The following LRP1B variants were observed in gnomAD, a reference collection of about 807,000 sequenced individuals.
LRP1B encodes low-density lipoprotein receptor-related protein 1B.
A neutral mutation model predicts 556.6 loss-of-function variants in LRP1B; 217 were observed. The ratio of observed to expected loss-of-function variants is 0.39; its 90% CI spans 0.35 to 0.44. The LOEUF (loss-of-function observed/expected upper bound fraction) is 0.44, where lower values mean the gene tolerates loss of function less well. Ranked by LOEUF, LRP1B falls within the 20% of genes least tolerant of loss-of-function variation. LRP1B has a pLI of 1.00. For synonymous variants in LRP1B, 2,047 were observed against 1,865.8 expected, an observed-to-expected ratio of 1.10 and a Z score of -2.50; for missense variants, 5,053 against 5,620.8, an observed-to-expected ratio of 0.90 and a Z score of 3.23.
intron 21 of LRP1B, among the ~76,000 whole-genome samples, chr2:140,918,207 T>C (rs1007922932): frequency 6.6e-6 from 1 of 151,884 alleles, no homozygotes; most frequent in East Asian, 1.9e-4. Flanking sequence ...TGTGTGTGTG[T>C]GTGTGTGTGT....
chr2:141,926,289 T>C (rs942806355), intron 1 of LRP1B, among the ~76,000 whole-genome samples: 3 of 152,220 alleles, frequency 2.0e-5, no homozygotes, highest in Non-Finnish European at 4.4e-5. Context: ...AGTTCCTAGT[T>C]ATCTTACAAA....
intron 41 of LRP1B, among the ~76,000 whole-genome samples, chr2:140,659,742 T>G (rs1158413567): frequency 6.6e-6 from 1 of 151,952 alleles, no homozygotes; most frequent in Non-Finnish European, 1.5e-5. Context: ...CAATTTAATG[T>G]AAAAAATTTC....
chr2:141,403,521 A>G lies in LRP1B; in HGVS notation c.343+76875T>C, dbSNP rs554821805. 1.1e-3 allele frequency among the ~76,000 whole-genome samples: 175 copies of G among 152,220 alleles called. 1 individual carries two copies. The highest frequency in any genetic ancestry group is 1.3e-3 in the Non-Finnish European group (86 of 67,978). ...AGCTTCCATCTTTCTCAGTAGCTTT[A>G]TTCATATGTAGATGGAGTTTGTGAT... is the stretch of plus-strand genomic sequence containing the variant. On this transcript the variant is annotated intron_variant, in intron 3 of 90. Coordinates refer to ENST00000389484, the MANE Select transcript of LRP1B (RefSeq NM_018557.3).
intron 6 of LRP1B, among the ~76,000 whole-genome samples, chr2:141,190,302 A>T (rs1434433075): frequency 6.6e-6 from 1 of 151,968 alleles, no homozygotes; most frequent in East Asian, 1.9e-4. Context: ...TCCTCTTAAT[A>T]TGTCTGCTGT....
At chr2:140,944,837 C>G (rs1304987117) in intron 20 of LRP1B, among the ~76,000 whole-genome samples, 1 of 152,088 alleles carries the variant, frequency 6.6e-6, no homozygotes, top group Non-Finnish European at 1.5e-5. Flanking sequence ...AGCATTTCCC[C>G]TAAGGATTGG....
At chr2:140,413,187 C>T (rs1685038178) in intron 66 of LRP1B, among the ~76,000 whole-genome samples, 1 of 152,114 alleles carries the variant, frequency 6.6e-6, no homozygotes, top group African/African-American at 2.4e-5. Flanking sequence ...AACACACATA[C>T]ACAATTCTAT....
At chr2:140,686,846 T>C (rs1328654430) in intron 41 of LRP1B, among the ~76,000 whole-genome samples, 2 of 151,788 alleles carry the variant, frequency 1.3e-5, no homozygotes, top group African/African-American at 4.8e-5. Flanking sequence ...AAACAGGAAA[T>C]ATAGAAGGTA....
Position 141,676,768 on chromosome 2 carries a change from T to C in LRP1B, c.205+133511A>G, listed in dbSNP as rs182068022. On this transcript the variant is annotated intron_variant, in intron 2 of 90. Coordinates refer to ENST00000389484, the MANE Select transcript of LRP1B (RefSeq NM_018557.3). ...GTATTCTTAATGACTGTGGCTCACATTTTAGTTTTCAATTTTGTATTTCTC... is the reference window on the plus strand; with the variant it reads ...GTATTCTTAATGACTGTGGCTCACACTTTAGTTTTCAATTTTGTATTTCTC... Among the ~76,000 whole-genome samples the C allele has an allele frequency of 9.2e-5, 14 of 152,266 alleles. No individual in the cohort carries two copies. The South Asian group carries it at 1.0e-3, about 11-fold the overall frequency.
intron 41 of LRP1B, among the ~76,000 whole-genome samples, chr2:140,613,351 AAAT>A (rs925397729): frequency 1.2e-5 from 1 of 86,900 alleles, no homozygotes; most frequent in African/African-American, 3.4e-5. Context: ...ATATAAATAT[AAAT>A]AATTATATAA....
intron 18 of LRP1B, among the ~76,000 whole-genome samples, chr2:140,964,234 G>A (rs1312981194): frequency 1.3e-5 from 2 of 152,154 alleles, no homozygotes; most frequent in African/African-American, 4.8e-5. Flanking sequence ...CTGCTATCTG[G>A]AAGGCAGAGC....
At chr2:140,813,553 T>G (rs886534484) in intron 32 of LRP1B, 104 bp downstream of exon 32, 2 of 932,352 alleles carry the variant, frequency 2.1e-6, no homozygotes, top group Non-Finnish European at 1.7e-6. Flanking sequence ...TGAATATAGT[T>G]CTGGTGTTAG....
At chr2:141,418,944 CTAAG>C (rs1454286117) in intron 3 of LRP1B, among the ~76,000 whole-genome samples, 3 of 151,786 alleles carry the variant, frequency 2.0e-5, no homozygotes, top group South Asian at 2.1e-4. Flanking sequence ...AAGTTTATTC[CTAAG>C]TATTATATTA....
intron 15 of LRP1B, among the ~76,000 whole-genome samples, chr2:141,003,738 G>A (rs893330952): frequency 3.3e-5 from 5 of 151,932 alleles, no homozygotes; most frequent in Non-Finnish European, 7.4e-5. Flanking sequence ...TATCAGCAGT[G>A]TAAAAATGGA....
chr2:140,929,407 A>G (rs1355598793), intron 20 of LRP1B, among the ~76,000 whole-genome samples: 1 of 152,088 alleles, frequency 6.6e-6, no homozygotes, highest in Non-Finnish European at 1.5e-5. Flanking sequence ...AAATGGAACA[A>G]AAGATTTTCT....
At position 140,976,084 on chromosome 2, in the gene LRP1B, A is replaced by G. The variant is rs1696586807; in HGVS notation, c.2887+6076T>C. On this transcript the variant is annotated intron_variant, in intron 18 of 90. Transcript: ENST00000389484. Reference sequence around the variant, plus strand: ...AGGTACCCATCACCACCCCTGGCTAATTTTTTTGTATTTTTTGTAGAGATG... The same window carrying G: ...AGGTACCCATCACCACCCCTGGCTAGTTTTTTTGTATTTTTTGTAGAGATG... Among the ~76,000 whole-genome samples the G allele has an allele frequency of 1.3e-5, 2 of 151,478 alleles. 1 individual carries two copies. Among genetic ancestry groups the G allele is most frequent in the South Asian group, 4.2e-4 (2 of 4,800 alleles).
chr2:140,272,258 AAC>A lies in LRP1B; in HGVS notation c.13143-1914_13143-1913del, dbSNP rs10654741. Among the ~76,000 whole-genome samples, 851 of 149,416 alleles carry A rather than the reference AAC, an allele frequency of 5.7e-3. 4 individuals are homozygous for A. The highest frequency in any genetic ancestry group is 0.012 in the African/African-American group (507 of 40,624). ...GGCATTCAGCGTATGTGCACACACA[AAC>A]ACACACACACACACACACACACACA... On this transcript the variant is annotated intron_variant, in intron 85 of 90. Transcript: ENST00000389484.
intron 19 of LRP1B, 127 bp from the exon 20 acceptor site, chr2:140,950,529 C>A (rs535269698): frequency 9.0e-6 from 6 of 669,336 alleles, no homozygotes; most frequent in East Asian, 3.1e-5. Flanking sequence ...TGTCACCCAA[C>A]CTGTAGTGCA....
intron 31 of LRP1B, among the ~76,000 whole-genome samples, chr2:140,837,750 T>C (rs1467301862): frequency 1.4e-5 from 2 of 142,460 alleles, no homozygotes; most frequent in African/African-American, 2.7e-5. Context: ...TGAGAACACA[T>C]GGACACAGGA....
At chr2:141,440,114 C>T (rs1340489423) in intron 3 of LRP1B, among the ~76,000 whole-genome samples, 1 of 152,136 alleles carries the variant, frequency 6.6e-6, no homozygotes, top group Non-Finnish European at 1.5e-5. Flanking sequence ...TATTTGCCCC[C>T]GAGTCCCCTC....
Sources: allele counts gnomAD v4.1 joint callset (sites outside exome capture counted in the v4.1 genomes callset), GRCh38; gene constraint gnomAD v4.1.1; transcripts MANE v1.5; gene names NCBI Gene and HGNC (gene_info 2026-07-23, HGNC 2026-07-21).